Variants in KAZN observed in about 807,000 individuals in gnomAD.
The protein encoded by KAZN is kazrin.
A neutral mutation model predicts 87.4 loss-of-function variants in KAZN; 40 were observed. The ratio of observed to expected loss-of-function variants is 0.46; its 90% CI spans 0.36 to 0.60. The LOEUF (loss-of-function observed/expected upper bound fraction) is 0.60, where lower values mean the gene tolerates loss of function less well. Among genes scored for constraint, KAZN ranks in the 20% least tolerant of loss-of-function variants. The probability of loss-of-function intolerance (pLI) is 0.00; values close to 1 mark genes in which losing one functional copy is unlikely to be tolerated. For synonymous variants in KAZN, 466 were observed against 458.3 expected (o/e 1.02, Z -0.22); for missense variants, 898 against 1,073.9 (o/e 0.84, Z 2.29).
intron 1 of KAZN, among the ~76,000 whole-genome samples, chr1:13,970,673 C>T (rs1642105819): frequency 1.3e-5 from 2 of 152,168 alleles, no homozygotes; most frequent in Admixed American, 1.3e-4. Flanking sequence ...TTTTTCTTGA[C>T]CAAAATGTCA....
intron 10 of KAZN, among the ~76,000 whole-genome samples, chr1:15,098,532 A>G (rs1640897121): frequency 6.6e-6 from 1 of 152,204 alleles, no homozygotes; most frequent in African/African-American, 2.4e-5. Context: ...TGATTTGCTG[A>G]CCAAACTCTT....
intron 1 of KAZN, among the ~76,000 whole-genome samples, chr1:14,807,251 T>C (rs2100768112): frequency 6.6e-6 from 1 of 152,310 alleles, no homozygotes. Flanking sequence ...TGCCTGGGTC[T>C]GATTCCTGGA....
At chr1:14,887,974 T>G (rs1654274894) in intron 1 of KAZN, among the ~76,000 whole-genome samples, 1 of 151,772 alleles carries the variant, frequency 6.6e-6, no homozygotes, top group African/African-American at 2.4e-5. Context: ...GAAGGAAAAG[T>G]GACAAGGAAT....
chr1:14,104,630 A>T (rs1033425083), intron 1 of KAZN, among the ~76,000 whole-genome samples: 2 of 152,210 alleles, frequency 1.3e-5, no homozygotes, highest in Non-Finnish European at 2.9e-5. Flanking sequence ...CCAGCTGCAA[A>T]TCTAGTGTTC....
intron 2 of KAZN, among the ~76,000 whole-genome samples, chr1:14,539,535 C>G (rs1672690568): frequency 6.6e-6 from 1 of 152,168 alleles, no homozygotes; most frequent in African/African-American, 2.4e-5. Context: ...TCTGCGTCCT[C>G]TCTCTGCAAC....
intron 2 of KAZN, among the ~76,000 whole-genome samples, chr1:14,352,535 G>C (rs1382860339): frequency 6.6e-6 from 1 of 152,124 alleles, no homozygotes; most frequent in Admixed American, 6.6e-5. Flanking sequence ...CCATACTTGG[G>C]TATGCTTTAT....
chr1:14,255,357 A>C (rs1650424176), intron 2 of KAZN, among the ~76,000 whole-genome samples: 1 of 152,244 alleles, frequency 6.6e-6, no homozygotes, highest in East Asian at 1.9e-4. Context: ...ATAATTCAAC[A>C]TGAGATTTGG....
At chr1:14,977,883 CTTTTTT>C (rs34375176) in intron 2 of KAZN, among the ~76,000 whole-genome samples, 2 of 91,114 alleles carry the variant, frequency 2.2e-5, no homozygotes, top group African/African-American at 5.5e-5. Context: ...GGGTGCACGT[CTTTTTT>C]TTTTTTTTTT....
At chr1:14,002,750 T>G (rs186091040) in intron 1 of KAZN, among the ~76,000 whole-genome samples, 1 of 152,294 alleles carries the variant, frequency 6.6e-6, no homozygotes, top group Non-Finnish European at 1.5e-5. Context: ...TTTTACGCTG[T>G]TGGTGGGAAT....
chr1:14,487,926 G>C (rs1383994543), intron 2 of KAZN, among the ~76,000 whole-genome samples: 1 of 152,198 alleles, frequency 6.6e-6, no homozygotes, highest in African/African-American at 2.4e-5. Flanking sequence ...ATTCAGTTGG[G>C]ATGTGCTGAG....
intron 1 of KAZN, among the ~76,000 whole-genome samples, chr1:14,681,951 G>A (rs964380664): frequency 6.6e-6 from 1 of 151,768 alleles, no homozygotes; most frequent in African/African-American, 2.4e-5. Flanking sequence ...CTCTCAAAGT[G>A]CTGGGATTAC....
At chr1:14,099,244 G>A (rs1250595183) in intron 1 of KAZN, among the ~76,000 whole-genome samples, 1 of 152,166 alleles carries the variant, frequency 6.6e-6, no homozygotes, top group Non-Finnish European at 1.5e-5. Flanking sequence ...CACCTGTGCA[G>A]GGACAGGGTG....
At chr1:13,907,603 A>C (rs1032988756) in intron 1 of KAZN, among the ~76,000 whole-genome samples, 1 of 152,126 alleles carries the variant, frequency 6.6e-6, no homozygotes, top group African/African-American at 2.4e-5. Context: ...ATCCAGGAGG[A>C]AATTCTAAAG....
chr1:14,847,445 A>C (rs1466039936), intron 1 of KAZN, among the ~76,000 whole-genome samples: 1 of 152,176 alleles, frequency 6.6e-6, no homozygotes, highest in Non-Finnish European at 1.5e-5. Flanking sequence ...CTTGTAGCAG[A>C]AAAGGGATTG....
intron 1 of KAZN, among the ~76,000 whole-genome samples, chr1:14,014,357 A>C (rs1640465453): frequency 6.6e-6 from 1 of 152,048 alleles, no homozygotes; most frequent in African/African-American, 2.4e-5. Flanking sequence ...GAGAAGACAG[A>C]GTCCCCTGTC....
At chr1:14,994,491 C>T (rs2101972848) in intron 2 of KAZN, among the ~76,000 whole-genome samples, 1 of 152,374 alleles carries the variant, frequency 6.6e-6, no homozygotes, top group South Asian at 2.1e-4. Flanking sequence ...CCCATCCAGG[C>T]TGAGAGGAAC....
At chr1:14,623,319 C>T (rs1274500019) in intron 1 of KAZN, among the ~76,000 whole-genome samples, 1 of 152,168 alleles carries the variant, frequency 6.6e-6, no homozygotes, top group Admixed American at 6.5e-5. Flanking sequence ...TCCTTTGCAG[C>T]CACATAGATG....
chr1:14,938,084 A>C (rs866713015), intron 1 of KAZN, among the ~76,000 whole-genome samples: 5 of 152,252 alleles, frequency 3.3e-5, no homozygotes, highest in Middle Eastern at 3.4e-3. Flanking sequence ...TCTATGTACC[A>C]AGTGCTTAGG....
chr1:14,032,402 G>A (rs368238473), intron 1 of KAZN, among the ~76,000 whole-genome samples: 1 of 152,188 alleles, frequency 6.6e-6, no homozygotes, highest in African/African-American at 2.4e-5. Context: ...CAGAGTTAGA[G>A]TTCCAATCCA....
Sources: allele counts gnomAD v4.1 joint callset (sites outside exome capture counted in the v4.1 genomes callset), GRCh38; gene constraint gnomAD v4.1.1; transcripts MANE v1.5; gene names NCBI Gene and HGNC (gene_info 2026-07-23, HGNC 2026-07-21).